The following OR51B5 variants were observed in gnomAD, a reference collection of about 807,000 sequenced individuals.
OR51B5 encodes olfactory receptor family 51 subfamily B member 5, also known as olfactory receptor 51B5.
For missense variants in OR51B5, 456 were observed against 374.6 expected (o/e 1.22, Z -1.79); for synonymous variants, 186 against 144.8 (o/e 1.28, Z -2.04).
intron 1 of OR51B5, among the ~76,000 whole-genome samples, chr11:5,450,198 G>A (rs975677422): frequency 2.0e-5 from 3 of 151,956 alleles, no homozygotes; most frequent in African/African-American, 4.8e-5. Flanking sequence ...AGACCAGCCT[G>A]GCCAATATGG....
chr11:5,407,677 T>C (rs1051041977), intron 1 of OR51B5, among the ~76,000 whole-genome samples: 2 of 5,544 alleles, frequency 3.6e-4, no homozygotes, highest in Non-Finnish European at 2.1e-3. Context: ...CTTCCATCAG[T>C]TTTTTTTTTT....
In OR51B5 at chr11:5,397,823, T is replaced by G. The variant is rs1369701337; in HGVS notation, n.85-50913A>C. Among the ~76,000 whole-genome samples, 3 of 151,332 alleles carry G rather than the reference T, an allele frequency of 2.0e-5. No individual in the cohort carries two copies. The East Asian group carries it at 5.8e-4, about 29-fold the overall frequency. On this transcript the variant is annotated intron_variant and non_coding_transcript_variant, in intron 1 of 4. Transcript: ENST00000415970. ...ACCCAAATGTCCAACAATGATAGAC[T>G]GGATTAAGAAAATGTGGCACATATA...
At chr11:5,390,090 G>A in intron 1 of OR51B5, 1 of 1,613,748 alleles carries the variant, frequency 6.2e-7, no homozygotes, top group Non-Finnish European at 8.5e-7. Flanking sequence ...CTGTCCTATG[G>A]ACTCATCCTG....
At chr11:5,415,039 A>G (rs1279584906) in intron 1 of OR51B5, among the ~76,000 whole-genome samples, 1 of 152,092 alleles carries the variant, frequency 6.6e-6, no homozygotes, top group East Asian at 1.9e-4. Context: ...AGCTCTCCTC[A>G]GCAAATGTAA....
chr11:5,426,713 A>G (rs1850455459), intron 1 of OR51B5, among the ~76,000 whole-genome samples: 1 of 152,146 alleles, frequency 6.6e-6, no homozygotes, highest in South Asian at 2.1e-4. Flanking sequence ...GTCCTTATAA[A>G]TAAGCCTCAA....
chr11:5,381,734 C>A (rs1431522224), intron 1 of OR51B5, among the ~76,000 whole-genome samples: 1 of 152,158 alleles, frequency 6.6e-6, no homozygotes, highest in African/African-American at 2.4e-5. Context: ...TAAAACAAAT[C>A]TAAAGGTCAT....
chr11:5,372,362 C>T (rs930160900), intron 1 of OR51B5, among the ~76,000 whole-genome samples: 1 of 152,092 alleles, frequency 6.6e-6, no homozygotes, highest in Non-Finnish European at 1.5e-5. Context: ...TCTATAATGG[C>T]TATGTTAACT....
chr11:5,443,583 A>C (rs1485484898), intron 1 of OR51B5, among the ~76,000 whole-genome samples: 1 of 151,970 alleles, frequency 6.6e-6, no homozygotes, highest in Non-Finnish European at 1.5e-5. Context: ...CTCTTCTAAG[A>C]ATTCATCCAC....
chr11:5,434,998 T>C lies in OR51B5; in HGVS notation n.84+70571A>G, dbSNP rs561620811. Among the ~76,000 whole-genome samples the C allele has an allele frequency of 6.6e-5, 10 of 152,252 alleles. No individual in the cohort carries two copies. In the South Asian group the frequency reaches 2.1e-3, roughly 32 times the overall value. On this transcript the variant is annotated intron_variant and non_coding_transcript_variant, in intron 1 of 4. Transcript: ENST00000415970. The stretch of plus-strand genomic sequence containing the variant: ...AAAAGACTGAATGGCAGATAGATTT[T>C]TTTTCTAGCCTCCTACGCAAACTGG...
intron 1 of OR51B5, among the ~76,000 whole-genome samples, chr11:5,491,393 G>T (rs1851579335): frequency 6.6e-6 from 1 of 152,200 alleles, no homozygotes; most frequent in African/African-American, 2.4e-5. Context: ...AGTTGTGGAG[G>T]TAAATTCATG....
upstream of OR51B5, among the ~76,000 whole-genome samples, chr11:5,347,924 C>A (rs534051229): frequency 2.6e-5 from 4 of 152,160 alleles, no homozygotes; most frequent in African/African-American, 9.6e-5. Flanking sequence ...ATGCCCAAAT[C>A]TTTCATACGG....
intron 1 of OR51B5, among the ~76,000 whole-genome samples, chr11:5,503,438 G>T (rs1378999727): frequency 6.6e-6 from 1 of 152,078 alleles, no homozygotes; most frequent in Non-Finnish European, 1.5e-5. Context: ...AAGAAATAAA[G>T]TTTAAATAGA....
chr11:5,353,269 TAATAATTTG>T (rs2133689804), intron 1 of OR51B5, among the ~76,000 whole-genome samples: 1 of 152,302 alleles, frequency 6.6e-6, no homozygotes, highest in Non-Finnish European at 1.5e-5. Flanking sequence ...ATAATATTGA[TAATAATTTG>T]AAAACAGAGA....
intron 1 of OR51B5, among the ~76,000 whole-genome samples, chr11:5,419,814 T>A (rs558513426): frequency 6.6e-6 from 1 of 151,998 alleles, no homozygotes; most frequent in Non-Finnish European, 1.5e-5. Flanking sequence ...AATAGCTCCT[T>A]TTTCCAAGGG....
chr11:5,344,094 A>C (rs527742039), upstream of OR51B5, among the ~76,000 whole-genome samples: 118 of 152,346 alleles, frequency 7.7e-4, 1 homozygote, highest in African/African-American at 2.7e-3. Flanking sequence ...AGATTGAGAA[A>C]GAGACACTTG....
chr11:5,425,498 TTTA>T (rs1222115571), intron 1 of OR51B5, among the ~76,000 whole-genome samples: 2 of 152,166 alleles, frequency 1.3e-5, no homozygotes, highest in African/African-American at 4.8e-5. Flanking sequence ...AGATAAACTG[TTTA>T]TTGTCTTCTT....
At chr11:5,464,202 C>G (rs948941089) in intron 1 of OR51B5, among the ~76,000 whole-genome samples, 3 of 152,072 alleles carry the variant, frequency 2.0e-5, no homozygotes, top group Non-Finnish European at 2.9e-5. Flanking sequence ...GTGGGTTTTT[C>G]TATATTTGAA....
intron 1 of OR51B5, among the ~76,000 whole-genome samples, chr11:5,419,721 T>C (rs1850302071): frequency 6.6e-6 from 1 of 152,034 alleles, no homozygotes; most frequent in Non-Finnish European, 1.5e-5. Context: ...TTCAAATACT[T>C]TTCCTGTCTC....
At chr11:5,447,233 C>A (rs527433638) in intron 1 of OR51B5, among the ~76,000 whole-genome samples, 2 of 152,340 alleles carry the variant, frequency 1.3e-5, no homozygotes, top group Admixed American at 1.3e-4. Context: ...TTATATCACA[C>A]CTATCCAATC....
Sources: gnomAD v4.1 joint callset for allele counts (sites outside exome capture counted in the v4.1 genomes callset) on GRCh38, gnomAD v4.1.1 for gene constraint, MANE v1.5 for transcripts, NCBI Gene and HGNC (gene_info 2026-07-23, HGNC 2026-07-21) for gene names.